Variants in ANKRD26 observed in about 807,000 individuals in gnomAD.
ANKRD26 encodes the protein ankyrin repeat domain 26.
A neutral mutation model predicts 208.7 loss-of-function variants in ANKRD26; 141 were observed. The ratio of observed to expected loss-of-function variants is 0.68; its 90% confidence interval spans 0.59 to 0.78. The LOEUF (loss-of-function observed/expected upper bound fraction) is 0.78, where lower values mean the gene tolerates loss of function less well. Among genes scored for constraint, ANKRD26 ranks in the 30% least tolerant of loss-of-function variants. ANKRD26 has a pLI of 0.00. For synonymous variants in ANKRD26, 636 were observed against 660.4 expected, an observed-to-expected ratio of 0.96 and a Z score of 0.57; for missense variants, 1,889 against 1,938.7, an observed-to-expected ratio of 0.97 and a Z score of 0.48.
chr10:26,983,215 T>C lies in ANKRD26; in HGVS notation c.490-402A>G, dbSNP rs866644434. On this transcript the variant is annotated intron_variant and NMD_transcript_variant, in intron 3 of 5. Coordinates refer to the ANKRD26 transcript ENST00000674670. ...TCTATATGCCATAGAACATCTTTAA[T>C]ATCTATTTGTGGTATAAAGATAGAA... Among the ~76,000 whole-genome samples, 8 of 152,336 alleles carry C rather than the reference T, an allele frequency of 5.3e-5. No individual in the cohort carries two copies. In the Middle Eastern group the frequency reaches 0.01, roughly 194 times the overall value.
rs2055810654 is a variant in ANKRD26 at position 27,079,144 on chromosome 10, C to T, written c.758G>A (p.Gly253Asp). The T allele has an allele frequency of 6.2e-7, 1 of 1,613,740 alleles. No homozygotes were observed. Among genetic ancestry groups the T allele is most frequent in the African/African-American group, 1.3e-5 (1 of 75,022 alleles). Reference sequence around the variant, plus strand: ...TGAGGTAGGCCATGAATCATCAACACCCGGTTTGCCAGAAAGCCTTTAGAA... The same window carrying T: ...TGAGGTAGGCCATGAATCATCAACATCCGGTTTGCCAGAAAGCCTTTAGAA... ...DSLSRLSGKP[G>D]VDDSWPTSDD... The change falls in exon 7 of 34, where the codon GGT becomes GAT. Residue 253 changes from glycine to aspartate, a missense_variant. This residue lies in a region of ANKRD26 where 1,272 missense variants were observed against 1,273.8 expected (regional missense o/e 1.00). Coordinates refer to ENST00000376087, the MANE Select transcript of ANKRD26 (RefSeq NM_014915.3).
At chr10:27,003,877 A>G (rs1425279456), downstream of ANKRD26, among the ~76,000 whole-genome samples, 1 of 152,206 alleles carries the variant, frequency 6.6e-6, no homozygotes, top group East Asian at 1.9e-4. Flanking sequence ...GAAACGGAAC[A>G]ATTGGACCAA....
At chr10:27,049,740 T>A (rs923847359) in intron 16 of ANKRD26, among the ~76,000 whole-genome samples, 2 of 152,140 alleles carry the variant, frequency 1.3e-5, no homozygotes, top group African/African-American at 4.8e-5. Context: ...AAATGATCCA[T>A]CCAGAGCTCC....
At chr10:26,949,375 G>A in the ANKRD26 span, among the ~76,000 whole-genome samples, 83 of 152,140 alleles carry the variant, frequency 5.5e-4, no homozygotes, top group African/African-American at 2.0e-3. Context: ...AATACAAACA[G>A]TCCATGACAT....
At chr10:26,970,767 G>A (rs149515104), downstream of ANKRD26, among the ~76,000 whole-genome samples, 18 of 152,310 alleles carry the variant, frequency 1.2e-4, no homozygotes, top group East Asian at 3.9e-4. Context: ...AGGAATTTCC[G>A]TATACACTCT....
At chr10:27,003,137 T>A (rs1261249546), downstream of ANKRD26, among the ~76,000 whole-genome samples, 1 of 152,166 alleles carries the variant, frequency 6.6e-6, no homozygotes, top group Non-Finnish European at 1.5e-5. Flanking sequence ...ATCGACGGCA[T>A]TAAATGAGTA....
At chr10:26,971,590 C>T (rs148503211), downstream of ANKRD26, among the ~76,000 whole-genome samples, 81 of 149,604 alleles carry the variant, frequency 5.4e-4, no homozygotes, top group African/African-American at 1.7e-3. Context: ...GCAGGAGAAT[C>T]GCTTGAACTC....
At chr10:27,006,896 T>G (rs1482730693) in intron 33 of ANKRD26, 21 bp downstream of exon 33, 2 of 1,574,682 alleles carry the variant, frequency 1.3e-6, no homozygotes, top group South Asian at 2.2e-5. Flanking sequence ...TAAATTTAAT[T>G]CATGAAGTTT....
chr10:27,012,738 A>C (rs2053157822), intron 32 of ANKRD26, 144 bp downstream of exon 32: 4 of 714,572 alleles, frequency 5.6e-6, no homozygotes, highest in Non-Finnish European at 9.4e-6. Flanking sequence ...GCCTGAACCT[A>C]GACATAGAGG....
rs139824083 is a variant in ANKRD26 at position 26,998,622 on chromosome 10, T to G, written c.563-3475A>C. Among the ~76,000 whole-genome samples the G allele has an allele frequency of 1.2e-4, 18 of 152,320 alleles. No individual in the cohort carries two copies. The East Asian group carries it at 3.3e-3, about 28-fold the overall frequency. ...TGGATCTTTATGGAAGTCAGGAAAT[T>G]CTATAACTGTGCTTCGCAGCTCAGC... On this transcript the variant is annotated intron_variant, in intron 4 of 5. Coordinates refer to the ANKRD26 transcript ENST00000445828.
intron 26 of ANKRD26, 120 bp from the exon 27 acceptor site, chr10:27,029,065 G>A (rs2053775652): frequency 1.9e-6 from 2 of 1,034,438 alleles, no homozygotes; most frequent in Non-Finnish European, 2.8e-6. Context: ...AAAAGTAGGT[G>A]ATTTGGCAAC....
chr10:27,044,538 C>G (rs76015318), intron 18 of ANKRD26, among the ~76,000 whole-genome samples: 1,746 of 149,358 alleles, frequency 0.012, 36 homozygotes, highest in African/African-American at 0.041. Flanking sequence ...TTTTTGCTGT[C>G]GACCTTTTCA....
intron 1 of ANKRD26, among the ~76,000 whole-genome samples, chr10:27,094,910 G>A (rs2056416975): frequency 6.6e-6 from 1 of 151,502 alleles, no homozygotes; most frequent in Non-Finnish European, 1.5e-5. Flanking sequence ...TAAGGCCAAA[G>A]AATCGCTTGA....
chr10:27,037,897 T>C lies in ANKRD26; in HGVS notation c.2533A>G (p.Arg845Gly). 6.2e-7 allele frequency: 1 copy of C among 1,612,570 alleles called. No individual in the cohort carries two copies. The highest frequency in any genetic ancestry group is 8.5e-7 in the Non-Finnish European group (1 of 1,179,550). The change falls in exon 22 of 34, where the codon AGG (arginine) becomes GGG (glycine). Residue 845 changes from arginine to glycine, a missense_variant. This residue lies in a region of ANKRD26 where 1,272 missense variants were observed against 1,273.8 expected (regional missense o/e 1.00). Coordinates refer to ENST00000376087, the MANE Select transcript of ANKRD26 (RefSeq NM_014915.3). ...LSLQTLEMEL[R>G]TVKSNLNQVV... Reference sequence around the variant, plus strand: ...TGATTCAAATTACTTTTTACAGTCCTCAATTCCATCTCCAGTGTTTGGAGA... The same window carrying C: ...TGATTCAAATTACTTTTTACAGTCCCCAATTCCATCTCCAGTGTTTGGAGA...
chr10:27,037,808 G>C, intron 22 of ANKRD26, 63 bp downstream of exon 22: 2 of 1,282,474 alleles, frequency 1.6e-6, no homozygotes, highest in East Asian at 5.1e-5. Flanking sequence ...TAAATCAAAA[G>C]GATGTGATAA....
chr10:27,039,929 A>G (rs1342724660), intron 21 of ANKRD26, 36 bp downstream of exon 21: 1 of 1,572,748 alleles, frequency 6.4e-7, no homozygotes, highest in Admixed American at 1.7e-5. Flanking sequence ...TTTAGTACAA[A>G]TAGTTAAACA....
At chr10:27,062,770 C>CTTTCT (rs1482604226) in intron 12 of ANKRD26, among the ~76,000 whole-genome samples, 40 of 142,476 alleles carry the variant, frequency 2.8e-4, no homozygotes, top group African/African-American at 1.0e-3. Context: ...TTCTTTCTTT[C>CTTTCT]TTTTTTTTTT....
In ANKRD26 at chr10:27,097,997, A is replaced by G. The variant is rs186754912; in HGVS notation, c.242+2088T>C. ...GTATTTTTATTGTCATAAGGACACA[A>G]CTAAAATAAAATGATTGTACCTGTT... On this transcript the variant is annotated intron_variant, in intron 1 of 33. Coordinates refer to ENST00000376087, the MANE Select transcript of ANKRD26 (RefSeq NM_014915.3). Among the ~76,000 whole-genome samples, 3 of 152,308 alleles carry G rather than the reference A, an allele frequency of 2.0e-5. No homozygotes were observed. In the East Asian group the frequency reaches 5.8e-4, roughly 29 times the overall value.
intron 16 of ANKRD26, among the ~76,000 whole-genome samples, chr10:27,050,219 C>CAAAA (rs67384671): frequency 8.8e-3 from 288 of 32,826 alleles, no homozygotes; most frequent in Non-Finnish European, 0.011. Context: ...GAATCTGTCT[C>CAAAA]AAAAAAAAAA....
Sources: allele counts gnomAD v4.1 joint callset (sites outside exome capture counted in the v4.1 genomes callset), GRCh38; gene constraint gnomAD v4.1.1; regional missense constraint gnomAD v4.1.1; transcripts MANE v1.5; gene names NCBI Gene and HGNC (gene_info 2026-07-23, HGNC 2026-07-21).